NFX1: variants seen among roughly 807,000 people sequenced by gnomAD.
NFX1 encodes nuclear transcription factor, X-box binding 1.
NFX1 carries 69 observed loss-of-function variants against 137.2 expected under a neutral mutation model. That is an observed-to-expected ratio of 0.50 (90% CI 0.41 to 0.61). The LOEUF (loss-of-function observed/expected upper bound fraction) is 0.61. NFX1 is among the 20% of genes least tolerant of loss of function. NFX1 has a pLI of 0.00. For missense variants in NFX1, 1,167 were observed against 1,391.0 expected, an observed-to-expected ratio of 0.84 and a Z score of 2.56; for synonymous variants, 495 against 474.1, an observed-to-expected ratio of 1.04 and a Z score of -0.57.
At position 33,366,674 on chromosome 9, in the gene NFX1, G is replaced by T. The variant is rs1366946086; in HGVS notation, c.3085G>T (p.Asp1029Tyr). Reference protein sequence around the residue: ...KSHSFPPMNRDHRRIIHDLAQ... With the variant: ...KSHSFPPMNRYHRRIIHDLAQ... ...CCACAGCTTCCCTCCCATGAACAGAGACCACCGCCGGATCATCCATGACTT... is the reference window on the plus strand; with the variant it reads ...CCACAGCTTCCCTCCCATGAACAGATACCACCGCCGGATCATCCATGACTT... The change falls in exon 22 of 24, where the codon GAC becomes TAC. Residue 1029 changes from aspartate to tyrosine, a missense_variant. This residue lies in a region of NFX1 where 312 missense variants were observed against 312.8 expected (regional missense o/e 1.00). Transcript: ENST00000379540. 5 of 1,614,134 alleles carry T rather than the reference G, an allele frequency of 3.1e-6. No individual in the cohort carries two copies. The South Asian group carries it at 5.5e-5, about 18-fold the overall frequency.
chr9:33,295,061 T>A lies in NFX1; in HGVS notation c.667T>A (p.Ser223Thr). Reference protein sequence around the residue: ...VFHPDSSEASSRKGVLDGYGA... With the variant: ...VFHPDSSEASTRKGVLDGYGA... ...CCACCCTGACTCTTCAGAGGCATCC[T>A]CTAGAAAAGGAGTATTGGATGGGTA... Residue 223 changes from serine to threonine, a missense_variant, in exon 2 of 24, where the codon TCT (serine) becomes ACT (threonine). By Grantham distance (58) the Ser-to-Thr change is moderately conservative. Coordinates refer to ENST00000379540, the MANE Select transcript of NFX1 (RefSeq NM_002504.6). The A allele has an allele frequency of 6.2e-7, 1 of 1,614,036 alleles. No individual in the cohort carries two copies. Among genetic ancestry groups the A allele is most frequent in the Non-Finnish European group, 8.5e-7 (1 of 1,180,010 alleles).
rs1407734362 is a variant in NFX1, at chr9:33,354,214, CTTCT to C, written c.2831+33_2831+36del. On this transcript the variant is annotated intron_variant, in intron 18 of 23. Transcript: ENST00000379540. ...TAATTTTTAAAATGCATATATGTGC[CTTCT>C]TTCTTCAATTAGACTTCAATTAGAG... The C allele has an allele frequency of 9.0e-6, 14 of 1,551,180 alleles. No homozygotes were observed. In the South Asian group the frequency reaches 1.3e-4, roughly 14 times the overall value.
intron 7 of NFX1, among the ~76,000 whole-genome samples, chr9:33,318,430 A>G (rs991199354): frequency 6.6e-6 from 1 of 152,184 alleles, no homozygotes; most frequent in Non-Finnish European, 1.5e-5. Flanking sequence ...CTTAATTTAG[A>G]GGTTGCTTCA....
At chr9:33,336,986 C>T (rs900544721) in intron 11 of NFX1, among the ~76,000 whole-genome samples, 1 of 152,062 alleles carries the variant, frequency 6.6e-6, no homozygotes, top group African/African-American at 2.4e-5. Context: ...CCTGTAATCC[C>T]AGCTACTCGG....
intron 5 of NFX1, 105 bp from the exon 6 acceptor site, chr9:33,311,001 G>A: frequency 2.2e-6 from 2 of 891,838 alleles, no homozygotes; most frequent in Non-Finnish European, 3.7e-6. Context: ...ACATGTCATA[G>A]TAGATGTATT....
At position 33,294,786 on chromosome 9, in the gene NFX1, C is replaced by G. The variant is rs1049436622; in HGVS notation, c.392C>G (p.Thr131Arg). 1 of 1,614,054 alleles carries G rather than the reference C, an allele frequency of 6.2e-7. No homozygotes were observed. The highest frequency in any genetic ancestry group is 1.7e-5 in the Admixed American group (1 of 60,016). ...AQSLAEQTSDTAGLESSTRSE... is the reference protein window; with the variant it reads ...AQSLAEQTSDRAGLESSTRSE... ...AGTCTTGCTGAGCAGACCTCAGATA[C>G]AGCTGGATTAGAGAGCTCGACCAGA... Residue 131 changes from threonine (T) to arginine (R), a missense_variant, in exon 2 of 24, where the codon ACA becomes AGA. Around this residue, in one of 3 missense-constraint regions of NFX1, gnomAD observed 367 missense variants for 386.7 expected, o/e 0.95. Transcript: ENST00000379540.
chr9:33,342,970 T>C, intron 13 of NFX1, 116 bp downstream of exon 13: 2 of 695,288 alleles, frequency 2.9e-6, no homozygotes, highest in South Asian at 2.2e-5. Flanking sequence ...AGCCTTCGTA[T>C]TTCCAATATG....
intron 7 of NFX1, among the ~76,000 whole-genome samples, chr9:33,317,066 T>C (rs945128439): frequency 1.3e-5 from 2 of 152,184 alleles, no homozygotes; most frequent in African/African-American, 4.8e-5. Context: ...TCTGAATCTT[T>C]ATTAATTTAT....
intron 14 of NFX1, among the ~76,000 whole-genome samples, chr9:33,346,457 T>C (rs1325558217): frequency 6.6e-6 from 1 of 152,134 alleles, no homozygotes; most frequent in East Asian, 1.9e-4. Context: ...AGTAGTTCAA[T>C]ACACATGATA....
At chr9:33,308,448 T>TAATA (rs980939635) in intron 5 of NFX1, among the ~76,000 whole-genome samples, 2 of 151,938 alleles carry the variant, frequency 1.3e-5, no homozygotes, top group East Asian at 3.9e-4. Flanking sequence ...TCTCTAAAAA[T>TAATA]AATAAATAAA....
At chr9:33,309,594 CAAGA>C (rs1489465578) in intron 5 of NFX1, among the ~76,000 whole-genome samples, 3 of 152,148 alleles carry the variant, frequency 2.0e-5, no homozygotes, top group Admixed American at 2.0e-4. Flanking sequence ...TTCTGGTCTC[CAAGA>C]AAGCTTTGCT....
intron 15 of NFX1, chr9:33,348,574 G>A (rs569162050): frequency 7.9e-5 from 13 of 163,866 alleles, no homozygotes; most frequent in Non-Finnish European, 1.1e-4. Flanking sequence ...GAGATGTTGC[G>A]AGAATTACCA....
In NFX1 at chr9:33,294,750, A is replaced by C; in HGVS notation, c.356A>C (p.Lys119Thr). The part of the protein sequence containing the change: ...LRNEKHHIRV[K>T]KAQSLAEQTS... ...AATGAGAAGCACCATATCAGAGTCA[A>C]GAAAGCACAGAGTCTTGCTGAGCAG... Residue 119 changes from lysine to threonine, a missense_variant, in exon 2 of 24, where the codon AAG becomes ACG. Around this residue, in one of 3 missense-constraint regions of NFX1, gnomAD observed 367 missense variants for 386.7 expected, o/e 0.95. Transcript: ENST00000379540. The C allele has an allele frequency of 6.2e-7, 1 of 1,614,132 alleles. No homozygotes were observed. Among genetic ancestry groups the C allele is most frequent in the Non-Finnish European group, 8.5e-7 (1 of 1,180,026 alleles).
At chr9:33,344,531 T>C (rs1345222769) in intron 14 of NFX1, among the ~76,000 whole-genome samples, 1 of 152,204 alleles carries the variant, frequency 6.6e-6, no homozygotes, top group Non-Finnish European at 1.5e-5. Context: ...ACTTTTTTGT[T>C]GTTATAGAAG....
intron 4 of NFX1, 27 bp downstream of exon 4, chr9:33,303,295 C>G: frequency 8.2e-6 from 13 of 1,578,416 alleles, no homozygotes; most frequent in Non-Finnish European, 1.1e-5. Context: ...ACACTGGAGT[C>G]TCTTTTACTA....
At chr9:33,346,896 T>C in intron 14 of NFX1, 142 bp from the exon 15 acceptor site, 1 of 528,598 alleles carries the variant, frequency 1.9e-6, no homozygotes, top group East Asian at 3.0e-5. Context: ...AGGTACTTTT[T>C]ACTTTCCTGT....
intron 1 of NFX1, 124 bp from the exon 2 acceptor site, chr9:33,294,296 T>G (rs1267562284): frequency 2.0e-5 from 18 of 880,014 alleles, no homozygotes; most frequent in Non-Finnish European, 1.7e-6. Context: ...AACATAGTTC[T>G]TACTTAACAG....
At chr9:33,303,157 A>T (rs199573527) in intron 3 of NFX1, 34 bp from the exon 4 acceptor site, 360 of 1,582,368 alleles carry the variant, frequency 2.3e-4, no homozygotes, top group Non-Finnish European at 1.9e-4. Context: ...TTTGGAAGAA[A>T]ATTTATTTGG....
At chr9:33,352,994 T>C (rs1192724427) in intron 17 of NFX1, 3 of 334,952 alleles carry the variant, frequency 9.0e-6, no homozygotes, top group Non-Finnish European at 1.7e-5. Flanking sequence ...TCTCCCACCT[T>C]GGCCTCCCAA....
Sources: allele counts gnomAD v4.1 joint callset (sites outside exome capture counted in the v4.1 genomes callset), GRCh38; gene constraint gnomAD v4.1.1; regional missense constraint gnomAD v4.1.1; transcripts MANE v1.5; gene names NCBI Gene and HGNC (gene_info 2026-07-23, HGNC 2026-07-21).